The following CMSS1 variants were observed in gnomAD, a reference collection of about 807,000 sequenced individuals.
CMSS1 encodes protein CMSS1.
In CMSS1, 33 loss-of-function variants were observed where a neutral mutation model predicts 43.5. The ratio of observed to expected loss-of-function variants is 0.76; its 90% CI spans 0.57 to 1.01. The LOEUF is 1.01. CMSS1 is among the 50% of genes least tolerant of loss of function. CMSS1 has a pLI of 0.00. For missense variants in CMSS1, 313 were observed against 326.4 expected (o/e 0.96, Z 0.32); for synonymous variants, 115 against 117.2 (o/e 0.98, Z 0.12).
chr3:100,155,170 T>C (rs2066960405), intron 2 of CMSS1, among the ~76,000 whole-genome samples: 1 of 152,196 alleles, frequency 6.6e-6, no homozygotes, highest in Non-Finnish European at 1.5e-5. Flanking sequence ...CTATCTATTA[T>C]ACTTCCTATT....
At chr3:99,876,280 G>A in intron 1 of CMSS1, 5 of 917,034 alleles carry the variant, frequency 5.5e-6, no homozygotes, top group Non-Finnish European at 3.9e-6. Flanking sequence ...GTGACCGCGG[G>A]ACCCTCGGCC....
chr3:99,991,488 C>G (rs1454272673), intron 1 of CMSS1, among the ~76,000 whole-genome samples: 4 of 151,882 alleles, frequency 2.6e-5, no homozygotes, highest in African/African-American at 9.7e-5. Context: ...GGTACAAATG[C>G]ACATTTCTTA....
intron 1 of CMSS1, among the ~76,000 whole-genome samples, chr3:99,952,037 G>A (rs1048802373): frequency 6.6e-6 from 1 of 152,132 alleles, no homozygotes; most frequent in Admixed American, 6.5e-5. Flanking sequence ...GTTTATTCCA[G>A]TGGACCATAT....
intron 1 of CMSS1, among the ~76,000 whole-genome samples, chr3:99,992,362 T>A (rs539938354): frequency 1.3e-5 from 2 of 152,252 alleles, no homozygotes; most frequent in Non-Finnish European, 2.9e-5. Context: ...TAATAGCCAT[T>A]CTGACTGATA....
intron 1 of CMSS1, among the ~76,000 whole-genome samples, chr3:100,132,950 G>A (rs192779330): frequency 1.3e-4 from 19 of 151,958 alleles, no homozygotes; most frequent in Admixed American, 3.9e-4. Flanking sequence ...TTACTGGGGT[G>A]TGATAAAAAC....
At chr3:100,046,756 T>C (rs2107306213) in intron 1 of CMSS1, among the ~76,000 whole-genome samples, 1 of 152,290 alleles carries the variant, frequency 6.6e-6, no homozygotes, top group Non-Finnish European at 1.5e-5. Context: ...TTTTGAACCC[T>C]TCAAACCTGA....
At chr3:100,001,618 T>G (rs1013796724) in intron 1 of CMSS1, among the ~76,000 whole-genome samples, 2 of 152,188 alleles carry the variant, frequency 1.3e-5, no homozygotes, top group East Asian at 3.9e-4. Flanking sequence ...GGAGACATGT[T>G]CCATCTAGTT....
chr3:100,044,235 A>G (rs914812313), intron 1 of CMSS1, among the ~76,000 whole-genome samples: 4 of 152,194 alleles, frequency 2.6e-5, no homozygotes, highest in African/African-American at 7.2e-5. Context: ...AGGCATTGTG[A>G]TGGGCACAAG....
chr3:100,017,513 A>G (rs1270209073), intron 1 of CMSS1, among the ~76,000 whole-genome samples: 1 of 152,228 alleles, frequency 6.6e-6, no homozygotes, highest in Non-Finnish European at 1.5e-5. Context: ...AGTAAGCACC[A>G]TAGTAACCAA....
intron 1 of CMSS1, among the ~76,000 whole-genome samples, chr3:100,025,774 A>G (rs910780502): frequency 4.6e-5 from 7 of 152,130 alleles, no homozygotes; most frequent in Admixed American, 6.6e-5. Context: ...GGATTCACAT[A>G]TACATTAGAG....
chr3:100,000,046 G>A (rs967951647), intron 1 of CMSS1, among the ~76,000 whole-genome samples: 1 of 152,112 alleles, frequency 6.6e-6, no homozygotes, highest in Non-Finnish European at 1.5e-5. Flanking sequence ...CCTGTAATGG[G>A]GCCCAGGCAT....
intron 1 of CMSS1, among the ~76,000 whole-genome samples, chr3:99,896,103 G>T (rs1338492041): frequency 6.8e-6 from 1 of 147,030 alleles, no homozygotes; most frequent in Non-Finnish European, 1.5e-5. Context: ...TAAACTTTTA[G>T]AAAAAAAAAA....
At chr3:100,128,867 G>A (rs964921712) in intron 1 of CMSS1, among the ~76,000 whole-genome samples, 2 of 152,228 alleles carry the variant, frequency 1.3e-5, no homozygotes, top group African/African-American at 4.8e-5. Flanking sequence ...AGCGTCTACT[G>A]TATGAATATG....
At chr3:99,982,937 A>C (rs570480654) in intron 1 of CMSS1, among the ~76,000 whole-genome samples, 1 of 152,306 alleles carries the variant, frequency 6.6e-6, no homozygotes, top group African/African-American at 2.4e-5. Flanking sequence ...ACATCAAAGT[A>C]ATACATACAG....
chr3:100,111,361 G>T (rs145726986), intron 1 of CMSS1, among the ~76,000 whole-genome samples: 9 of 152,286 alleles, frequency 5.9e-5, no homozygotes, highest in Non-Finnish European at 1.2e-4. Flanking sequence ...ACTCCATGAG[G>T]CTGTGCGTTA....
chr3:99,995,795 G>A (rs563977219), intron 1 of CMSS1, among the ~76,000 whole-genome samples: 154 of 152,312 alleles, frequency 1.0e-3, no homozygotes, highest in African/African-American at 3.4e-3. Flanking sequence ...CAAGGTCTGC[G>A]TTGGCCCCTT....
chr3:100,163,493 G>A (rs982294011), intron 4 of CMSS1, among the ~76,000 whole-genome samples: 1 of 152,034 alleles, frequency 6.6e-6, no homozygotes, highest in African/African-American at 2.4e-5. Flanking sequence ...TTATAATTAA[G>A]CTAAAAGATA....
At chr3:100,079,430 CTTCT>C (rs1282578757) in intron 1 of CMSS1, among the ~76,000 whole-genome samples, 14 of 152,118 alleles carry the variant, frequency 9.2e-5, no homozygotes, top group Non-Finnish European at 2.9e-5. Context: ...TGCATTTGAA[CTTCT>C]TTATGTCCTT....
chr3:100,009,471 G>GTCAGGACTCTTACACC (rs1710081160), intron 1 of CMSS1, among the ~76,000 whole-genome samples: 1 of 152,126 alleles, frequency 6.6e-6, no homozygotes, highest in Non-Finnish European at 1.5e-5. Flanking sequence ...GTGACTGTGG[G>GTCAGGACTCTTACACC]TCAGAGCTAA....
Sources: allele counts gnomAD v4.1 joint callset (sites outside exome capture counted in the v4.1 genomes callset), GRCh38; gene constraint gnomAD v4.1.1; transcripts MANE v1.5; gene names NCBI Gene and HGNC (gene_info 2026-07-23, HGNC 2026-07-21).